DRC11: variants seen among roughly 807,000 people sequenced by gnomAD.
DRC11 encodes the protein dynein regulatory complex subunit 11, also known as IQ and AAA domain-containing protein 1.
the DRC11 span, among the ~76,000 whole-genome samples, chr2:236,417,780 C>T: frequency 6.6e-6 from 1 of 151,964 alleles, no homozygotes. Context: ...TCCCTGTGCC[C>T]ATGTGTTCTC....
the DRC11 span, among the ~76,000 whole-genome samples, chr2:236,487,798 T>C: frequency 6.6e-6 from 1 of 152,254 alleles, no homozygotes; most frequent in South Asian, 2.1e-4. Flanking sequence ...TTAGTACCTA[T>C]TTAGAGTAAA....
chr2:236,450,314 C>CTTTTTTTTTTTTTTTTTTTTTT, the DRC11 span, among the ~76,000 whole-genome samples: 44 of 82,372 alleles, frequency 5.3e-4, no homozygotes, highest in Non-Finnish European at 7.2e-4. Context: ...CTTTTCTTTT[C>CTTTTTTTTTTTTTTTTTTTTTT]TTTTTTTTTT....
chr2:236,355,490 A>C, the DRC11 span, among the ~76,000 whole-genome samples: 2 of 152,286 alleles, frequency 1.3e-5, no homozygotes, highest in South Asian at 4.1e-4. Flanking sequence ...TGGCCTCTTC[A>C]TGGACGACCC....
the DRC11 span, among the ~76,000 whole-genome samples, chr2:236,407,226 A>G: frequency 6.6e-6 from 1 of 152,262 alleles, no homozygotes; most frequent in African/African-American, 2.4e-5. Context: ...CTAAAAATGT[A>G]CAGCTGTGTC....
the DRC11 span, among the ~76,000 whole-genome samples, chr2:236,366,281 T>C: frequency 6.6e-6 from 1 of 152,192 alleles, no homozygotes; most frequent in South Asian, 2.1e-4. Flanking sequence ...GCCAAGTATG[T>C]AAGCGGCCAG....
At chr2:236,491,187 A>T in the DRC11 span, among the ~76,000 whole-genome samples, 30 of 44,308 alleles carry the variant, frequency 6.8e-4, no homozygotes, top group African/African-American at 3.2e-3. Flanking sequence ...ATATACACAC[A>T]GTATATATAT....
the DRC11 span, among the ~76,000 whole-genome samples, chr2:236,477,477 C>T: frequency 6.6e-6 from 1 of 152,150 alleles, no homozygotes; most frequent in Non-Finnish European, 1.5e-5. Context: ...AGAGGTTGGT[C>T]TTGCTGTCTT....
the DRC11 span, among the ~76,000 whole-genome samples, chr2:236,338,015 G>C: frequency 6.6e-6 from 1 of 152,246 alleles, no homozygotes; most frequent in Admixed American, 6.5e-5. Flanking sequence ...GCTAAGAACA[G>C]AACGTGACCT....
chr2:236,422,913 C>T, the DRC11 span, among the ~76,000 whole-genome samples: 1 of 152,016 alleles, frequency 6.6e-6, no homozygotes, highest in Admixed American at 6.5e-5. Context: ...CTACAACTAT[C>T]TGATCTTTGA....
chr2:236,468,631 T>C, the DRC11 span, among the ~76,000 whole-genome samples: 1 of 152,176 alleles, frequency 6.6e-6, no homozygotes, highest in Non-Finnish European at 1.5e-5. Flanking sequence ...AAATATCCAA[T>C]TCTTATGTCG....
At chr2:236,453,564 T>C in the DRC11 span, among the ~76,000 whole-genome samples, 3 of 152,200 alleles carry the variant, frequency 2.0e-5, no homozygotes, top group South Asian at 6.2e-4. The surrounding 1 kb of genome is among the most constrained non-coding windows in gnomAD (Gnocchi z 4.9). Context: ...CAAGTCCTCT[T>C]ACTTCCCCAG....
chr2:236,393,471 T>C, the DRC11 span, among the ~76,000 whole-genome samples: 68,404 of 151,550 alleles, frequency 0.45, 15,884 homozygotes, highest in African/African-American at 0.51. This position sits in a 1 kb window ranked among gnomAD's most constrained non-coding sequence, Gnocchi z 4.7. Flanking sequence ...TAACTCTACA[T>C]TGGGAGGAAA....
chr2:236,420,654 C>A, the DRC11 span, among the ~76,000 whole-genome samples: 2 of 151,990 alleles, frequency 1.3e-5, no homozygotes, highest in Non-Finnish European at 2.9e-5. The surrounding 1 kb of genome is among the most constrained non-coding windows in gnomAD (Gnocchi z 4.8). Flanking sequence ...AAAAAAAACA[C>A]AAAACATTAG....
the DRC11 span, among the ~76,000 whole-genome samples, chr2:236,405,414 G>A: frequency 3.3e-4 from 49 of 149,766 alleles, no homozygotes; most frequent in Non-Finnish European, 5.9e-4. The surrounding 1 kb of genome is among the most constrained non-coding windows in gnomAD (Gnocchi z 4.6). Flanking sequence ...TTTGCAAACT[G>A]AGCCATTTCC....
At chr2:236,320,856 C>T in the DRC11 span, among the ~76,000 whole-genome samples, 1 of 150,362 alleles carries the variant, frequency 6.7e-6, no homozygotes, top group Non-Finnish European at 1.5e-5. Context: ...CCCGCCATCG[C>T]CTTCCTCCCA....
At chr2:236,395,136 T>C in the DRC11 span, among the ~76,000 whole-genome samples, 1 of 149,772 alleles carries the variant, frequency 6.7e-6, no homozygotes, top group Non-Finnish European at 1.5e-5. Flanking sequence ...GCGCTGGGGG[T>C]GGGAAGGGGG....
chr2:236,503,498 C>T, the DRC11 span: 21 of 921,856 alleles, frequency 2.3e-5, no homozygotes, highest in Admixed American at 1.2e-4. This position sits in a 1 kb window ranked among gnomAD's most constrained non-coding sequence, Gnocchi z 4.9. Context: ...TTGAGCCTTC[C>T]GGGTCCTGCC....
At chr2:236,439,498 A>G in the DRC11 span, among the ~76,000 whole-genome samples, 1 of 152,200 alleles carries the variant, frequency 6.6e-6, no homozygotes. Flanking sequence ...CTTTTTATCC[A>G]GATAAATAAT....
the DRC11 span, among the ~76,000 whole-genome samples, chr2:236,410,924 A>C: frequency 6.8e-6 from 1 of 146,976 alleles, no homozygotes; most frequent in East Asian, 2.0e-4. Flanking sequence ...TAAACGTTAG[A>C]TCTAAAACCA....
Sources: gnomAD v4.1 joint callset for allele counts (sites outside exome capture counted in the v4.1 genomes callset) on GRCh38, gnomAD v4.1.1 for gene constraint, Gnocchi (gnomAD v3.1) non-coding constraint, MANE v1.5 for transcripts, NCBI Gene and HGNC (gene_info 2026-07-23, HGNC 2026-07-21) for gene names.